Variants in PCDHAC1 observed in about 807,000 individuals in gnomAD.
PCDHAC1 encodes the protein protocadherin alpha subfamily C, 1, also known as protocadherin alpha-C1.
Under a neutral mutation model 60.0 loss-of-function variants are expected in PCDHAC1, and 42 were observed. That is an observed-to-expected ratio of 0.70 (90% CI 0.55 to 0.90). The LOEUF (loss-of-function observed/expected upper bound fraction) is 0.90, where lower values mean the gene tolerates loss of function less well. PCDHAC1 is among the 40% of genes least tolerant of loss of function. The probability of loss-of-function intolerance (pLI) is 0.00; values close to 1 mark genes in which losing one functional copy is unlikely to be tolerated. For synonymous variants in PCDHAC1, 468 were observed against 499.3 expected (o/e 0.94, Z 0.84); for missense variants, 1,160 against 1,222.3 (o/e 0.95, Z 0.76).
chr5:141,000,292 T>C (rs2097899521), intron 3 of PCDHAC1, among the ~76,000 whole-genome samples: 1 of 149,730 alleles, frequency 6.7e-6, no homozygotes, highest in Non-Finnish European at 1.5e-5. Flanking sequence ...GGAATATTGC[T>C]TGAGGCCAGG....
At chr5:140,931,884 T>A (rs1554208638) in intron 1 of PCDHAC1, among the ~76,000 whole-genome samples, 1 of 151,972 alleles carries the variant, frequency 6.6e-6, no homozygotes, top group Non-Finnish European at 1.5e-5. Flanking sequence ...ATTGCTTTCA[T>A]TTTATTTCAA....
At chr5:140,936,987 T>C (rs996790487) in intron 1 of PCDHAC1, among the ~76,000 whole-genome samples, 1 of 152,170 alleles carries the variant, frequency 6.6e-6, no homozygotes, top group Non-Finnish European at 1.5e-5. Context: ...CTTGTTAACA[T>C]TGACAATATT....
At chr5:140,950,872 T>C (rs782492363) in intron 1 of PCDHAC1, among the ~76,000 whole-genome samples, 14 of 152,210 alleles carry the variant, frequency 9.2e-5, no homozygotes, top group Middle Eastern at 3.4e-3. Context: ...ATATTCTATA[T>C]TGTTCAATAG....
At chr5:140,985,386 T>A (rs2097149117) in intron 3 of PCDHAC1, among the ~76,000 whole-genome samples, 1 of 152,170 alleles carries the variant, frequency 6.6e-6, no homozygotes, top group African/African-American at 2.4e-5. Context: ...TATAATCCAG[T>A]CACCCCAACT....
rs1256461262 is a variant in PCDHAC1, at chr5:140,982,640, A to T, written c.2581+77A>T. On this transcript the variant is annotated intron_variant, in intron 3 of 3. Transcript: ENST00000253807. ...ATGACCTACTTTTGTAAGATCAGGA[A>T]TGTTGATGGCTCTTTTTCTTTTATA... 3 of 1,544,442 alleles carry T rather than the reference A, an allele frequency of 1.9e-6. No individual in the cohort carries two copies. The African/African-American group carries it at 4.2e-5, about 21-fold the overall frequency.
chr5:140,993,996 G>T (rs1163632974), intron 3 of PCDHAC1, among the ~76,000 whole-genome samples: 1 of 152,148 alleles, frequency 6.6e-6, no homozygotes, highest in Non-Finnish European at 1.5e-5. Flanking sequence ...CTTAGGTCAG[G>T]CCAGGCTCTG....
In PCDHAC1 at chr5:140,926,947, G is replaced by C; in HGVS notation, c.55G>C (p.Ala19Pro). Residue 19 changes from alanine to proline, a missense_variant, in exon 1 of 4, where the codon GCG (alanine) becomes CCG (proline). By Grantham distance (27) the Ala-to-Pro change is conservative. Transcript: ENST00000253807. Reference protein sequence around the residue: ...LCLWVSCGAAAGQLEYSVPEE... With the variant: ...LCLWVSCGAAPGQLEYSVPEE... ...TTTGTGGGTTTCCTGCGGCGCTGCA[G>C]CGGGACAGCTCGAGTACTCAGTGCC... 6.3e-7 allele frequency: 1 copy of C among 1,590,600 alleles called. No individual in the cohort carries two copies. The highest frequency in any genetic ancestry group is 8.6e-7 in the Non-Finnish European group (1 of 1,165,654).
At chr5:140,992,914 C>T (rs1383362253) in intron 3 of PCDHAC1, among the ~76,000 whole-genome samples, 1 of 152,220 alleles carries the variant, frequency 6.6e-6, no homozygotes, top group African/African-American at 2.4e-5. Context: ...CTTAGGCCCT[C>T]TCCATACTTA....
intron 1 of PCDHAC1, among the ~76,000 whole-genome samples, chr5:140,951,868 G>A (rs1325001328): frequency 2.6e-5 from 4 of 152,132 alleles, no homozygotes; most frequent in African/African-American, 9.7e-5. Flanking sequence ...AGTCTCATCT[G>A]AGACAAGGCA....
chr5:140,969,061 T>C (rs782313439), intron 1 of PCDHAC1: 25 of 1,614,070 alleles, frequency 1.5e-5, no homozygotes, highest in Non-Finnish European at 4.2e-6. Flanking sequence ...ACAATATTGA[T>C]GCCAGGATAC....
At chr5:141,009,257 C>T (rs1375950001) in intron 3 of PCDHAC1, among the ~76,000 whole-genome samples, 1 of 152,136 alleles carries the variant, frequency 6.6e-6, no homozygotes, top group East Asian at 1.9e-4. Flanking sequence ...GTGTTTGAGA[C>T]CAGCCTGGGC....
chr5:140,956,885 T>A (rs1156888418), intron 1 of PCDHAC1, among the ~76,000 whole-genome samples: 1 of 152,194 alleles, frequency 6.6e-6, no homozygotes, highest in Non-Finnish European at 1.5e-5. Flanking sequence ...TAGATATCAA[T>A]GAATGAATAT....
At chr5:140,943,063 C>T (rs1461337774) in intron 1 of PCDHAC1, among the ~76,000 whole-genome samples, 1 of 151,748 alleles carries the variant, frequency 6.6e-6, no homozygotes, top group Admixed American at 6.6e-5. Context: ...TCAAGAACAG[C>T]CTGACCAACA....
At chr5:140,990,541 A>T (rs868916666) in intron 3 of PCDHAC1, among the ~76,000 whole-genome samples, 1 of 152,210 alleles carries the variant, frequency 6.6e-6, no homozygotes, top group Admixed American at 6.5e-5. Context: ...CATCATAGAT[A>T]CTGTATTACC....
intron 3 of PCDHAC1, among the ~76,000 whole-genome samples, chr5:140,989,274 G>A (rs3756325): frequency 0.3 from 45,270 of 152,016 alleles, 6,976 homozygotes; most frequent in East Asian, 0.43. Flanking sequence ...GTTTCTGCTG[G>A]GGACATCTCA....
chr5:140,963,109 T>G (rs1490746394), intron 1 of PCDHAC1, among the ~76,000 whole-genome samples: 1 of 152,128 alleles, frequency 6.6e-6, no homozygotes, highest in Non-Finnish European at 1.5e-5. Context: ...TCAGGTTGCT[T>G]ATAATTAAAG....
chr5:140,935,734 C>G (rs1290620794), intron 1 of PCDHAC1, among the ~76,000 whole-genome samples: 1 of 152,032 alleles, frequency 6.6e-6, no homozygotes, highest in East Asian at 1.9e-4. Flanking sequence ...AGTCTAGTAT[C>G]TATTATTCCA....
At chr5:141,004,497 T>C (rs2098168493) in intron 3 of PCDHAC1, among the ~76,000 whole-genome samples, 1 of 152,218 alleles carries the variant, frequency 6.6e-6, no homozygotes, top group South Asian at 2.1e-4. Context: ...TTGGCAGTCC[T>C]GCTGTGAGGG....
At chr5:140,948,752 C>T (rs246047) in intron 1 of PCDHAC1, among the ~76,000 whole-genome samples, 85,413 of 151,184 alleles carry the variant, frequency 0.56, 24,715 homozygotes, top group African/African-American at 0.69. Context: ...ATCAATTTTG[C>T]TGATTTTTTT....
Sources: allele counts gnomAD v4.1 joint callset (sites outside exome capture counted in the v4.1 genomes callset), GRCh38; gene constraint gnomAD v4.1.1; transcripts MANE v1.5; gene names NCBI Gene and HGNC (gene_info 2026-07-23, HGNC 2026-07-21).